Variants in ADGRV1 observed in about 807,000 individuals in gnomAD.
ADGRV1 encodes G-protein coupled receptor 98.
In ADGRV1, 359 loss-of-function variants were observed where a neutral mutation model predicts 596.2. The ratio of observed to expected loss-of-function variants is 0.60; its 90% CI spans 0.55 to 0.66. ADGRV1 has a LOEUF of 0.66. Among genes scored for constraint, ADGRV1 ranks in the 30% least tolerant of loss-of-function variants. The pLI, the probability that ADGRV1 is intolerant of heterozygous loss-of-function variation, is 0.00. For missense variants in ADGRV1, 7,274 were observed against 7,575.6 expected (o/e 0.96, Z 1.48); for synonymous variants, 2,681 against 2,679.2 (o/e 1.00, Z -0.02).
intron 11 of ADGRV1, among the ~76,000 whole-genome samples, chr5:90,638,920 G>T (rs575437061): frequency 2.0e-4 from 30 of 152,148 alleles, no homozygotes; most frequent in African/African-American, 7.0e-4. Context: ...GAAAAGTATA[G>T]AATGTAAGCA....
rs1796217255 is a variant in ADGRV1, at chr5:91,153,374, G to T, written c.18778G>T (p.Asp6260Tyr). ...IADEESQEFD[D>Y]LIFALKTGAG... ...CGATGAGGAGTCCCAGGAGTTTGATGATTTAATATTTGCATTAAAAACTGG... is the reference window on the plus strand; with the variant it reads ...CGATGAGGAGTCCCAGGAGTTTGATTATTTAATATTTGCATTAAAAACTGG... Residue 6260 changes from aspartate to tyrosine, a missense_variant, in exon 89 of 90, where the codon GAT becomes TAT. By Grantham distance (160) the Asp-to-Tyr change is radical. Coordinates refer to ENST00000405460, the MANE Select transcript of ADGRV1 (RefSeq NM_032119.4). 1 of 1,606,110 alleles carries T rather than the reference G, an allele frequency of 6.2e-7. No individual in the cohort carries two copies. Among genetic ancestry groups the T allele is most frequent in the East Asian group, 2.2e-5 (1 of 44,768 alleles).
At chr5:90,789,197 C>G (rs1759805255) in intron 68 of ADGRV1, among the ~76,000 whole-genome samples, 1 of 152,126 alleles carries the variant, frequency 6.6e-6, no homozygotes, top group Middle Eastern at 3.2e-3. Flanking sequence ...CCTTTACGTA[C>G]AGTCAGCTGA....
At chr5:90,808,978 G>A (rs1427210579) in intron 73 of ADGRV1, among the ~76,000 whole-genome samples, 4 of 146,252 alleles carry the variant, frequency 2.7e-5, no homozygotes, top group African/African-American at 1.0e-4. Flanking sequence ...ATGGAGACTC[G>A]CTCTTTCGCC....
intron 23 of ADGRV1, 147 bp downstream of exon 23, chr5:90,674,381 T>A (rs1028838467): frequency 1.1e-5 from 5 of 460,750 alleles, no homozygotes; most frequent in African/African-American, 2.0e-5. Flanking sequence ...TGTATGCTAC[T>A]GTTTTGAGAG....
chr5:90,937,654 TCAC>T (rs1449586905), intron 83 of ADGRV1, among the ~76,000 whole-genome samples: 5 of 152,158 alleles, frequency 3.3e-5, no homozygotes, highest in Non-Finnish European at 5.9e-5. Context: ...AGACGGGGTT[TCAC>T]CGTGTTAGCC....
At chr5:90,859,885 G>A (rs1767376162) in intron 82 of ADGRV1, among the ~76,000 whole-genome samples, 1 of 150,088 alleles carries the variant, frequency 6.7e-6, no homozygotes, top group Non-Finnish European at 1.5e-5. Context: ...TTCGAGACCA[G>A]CCTGGGCAAC....
chr5:90,800,975 C>T (rs2443073), intron 70 of ADGRV1, among the ~76,000 whole-genome samples: 9,219 of 151,956 alleles, frequency 0.061, 528 homozygotes, highest in African/African-American at 0.15. Flanking sequence ...ATATAGGTGA[C>T]GGGTTGATGG....
At chr5:90,589,476 G>A (rs991978374) in intron 1 of ADGRV1, among the ~76,000 whole-genome samples, 17 of 152,196 alleles carry the variant, frequency 1.1e-4, no homozygotes, top group African/African-American at 3.6e-4. Context: ...GAGAAAGAAA[G>A]TGTGGAATGG....
At chr5:91,120,109 A>G (rs1793177936) in intron 87 of ADGRV1, among the ~76,000 whole-genome samples, 1 of 152,206 alleles carries the variant, frequency 6.6e-6, no homozygotes, top group Non-Finnish European at 1.5e-5. Context: ...TGATTACACC[A>G]GACGCTGCAA....
In ADGRV1 at chr5:90,627,196, A is replaced by G; in HGVS notation, c.673-15A>G. On this transcript the variant is annotated splice_polypyrimidine_tract_variant and intron_variant, in intron 6 of 89. Transcript: ENST00000405460. ...GGCTGTTGATGTTTTGCCTCTGTTTATATTCCTTTAACAGGTACCAGAAAA... is the reference window on the plus strand; with the variant it reads ...GGCTGTTGATGTTTTGCCTCTGTTTGTATTCCTTTAACAGGTACCAGAAAA... The G allele has an allele frequency of 6.9e-7, 1 of 1,448,564 alleles. No homozygotes were observed. Among genetic ancestry groups the G allele is most frequent in the Non-Finnish European group, 9.2e-7 (1 of 1,087,942 alleles). 89.7% of individuals were successfully genotyped at this position (1,448,564 alleles called of 1,614,324 possible). A position where few individuals can be genotyped will look rare whatever the true frequency, so the allele number is the denominator to read the frequency against.
intron 83 of ADGRV1, among the ~76,000 whole-genome samples, chr5:90,937,616 C>T (rs566601453): frequency 2.6e-5 from 4 of 152,236 alleles, no homozygotes; most frequent in Non-Finnish European, 5.9e-5. Flanking sequence ...CACCACCACG[C>T]CCAGCTAATT....
chr5:90,681,706 C>T (rs1261888615), intron 27 of ADGRV1, among the ~76,000 whole-genome samples: 1 of 152,232 alleles, frequency 6.6e-6, no homozygotes, highest in East Asian at 1.9e-4. Context: ...AGCTGTACTA[C>T]AAGTATTTAT....
rs1780407470 is a variant in ADGRV1 at position 90,985,398 on chromosome 5, T to C, written c.18028T>C (p.Tyr6010His). Residue 6010 changes from tyrosine (Y) to histidine (H), a missense_variant, in exon 85 of 90, where the codon TAT becomes CAT. Tyr to His is a moderately conservative substitution (Grantham distance 83, BLOSUM62 2). Coordinates refer to ENST00000405460, the MANE Select transcript of ADGRV1 (RefSeq NM_032119.4). ...VMNDEHTERR[Y>H]LLFFLLSWGL... ...GAATGATGAGCACACAGAGAGGCGA[T>C]ATCTGCTGTTTTTCCTTCTGAGTTG... 13 of 1,613,808 alleles carry C rather than the reference T, an allele frequency of 8.1e-6. No homozygotes were observed. Among genetic ancestry groups the C allele is most frequent in the Non-Finnish European group, 1.0e-5 (12 of 1,179,746 alleles).
chr5:90,688,563 G>A (rs946027169), intron 29 of ADGRV1, among the ~76,000 whole-genome samples: 11 of 152,066 alleles, frequency 7.2e-5, no homozygotes, highest in African/African-American at 2.7e-4. Flanking sequence ...TACCATGTTG[G>A]CCAGGATGGT....
rs1784703070 is a variant in ADGRV1, at chr5:91,034,316, T to TA, written c.18153-38129dup. Among the ~76,000 whole-genome samples, 7 of 152,254 alleles carry TA rather than the reference T, an allele frequency of 4.6e-5. No homozygotes were observed. The South Asian group carries it at 1.5e-3, about 32-fold the overall frequency. Reference sequence around the variant, plus strand: ...AACTTTAAGCAGGTTAAAGTCTACATAACACAGAACTCATGGAAAAATCTG... The same window carrying TA: ...AACTTTAAGCAGGTTAAAGTCTACATAAACACAGAACTCATGGAAAAATCTG... On this transcript the variant is annotated intron_variant, in intron 85 of 89. Transcript: ENST00000405460.
At chr5:90,685,614 A>ATAAG (rs1745510026) in intron 28 of ADGRV1, among the ~76,000 whole-genome samples, 166 bp from the exon 29 acceptor site, 1 of 147,460 alleles carries the variant, frequency 6.8e-6, no homozygotes, top group African/African-American at 2.5e-5. Context: ...AAATAAATAA[A>ATAAG]TAAATAAATA....
At position 91,164,166 on chromosome 5, in the gene ADGRV1, A is replaced by G. The variant is rs1797182548; in HGVS notation, c.*266A>G. The G allele has an allele frequency of 1.4e-5, 7 of 486,502 alleles. No individual in the cohort carries two copies. In the East Asian group the frequency reaches 2.1e-4, roughly 14 times the overall value. 30.1% of individuals were successfully genotyped at this position (486,502 alleles called of 1,614,324 possible). A position where few individuals can be genotyped will look rare whatever the true frequency, so the allele number is the denominator to read the frequency against. On this transcript the variant is annotated 3_prime_UTR_variant, in exon 90 of 90. Transcript: ENST00000405460. Reference sequence around the variant, plus strand: ...TTAGTTGTTTTTTTAATCATCCTATATGGCTAACATTGTTTAATGAAAGTA... The same window carrying G: ...TTAGTTGTTTTTTTAATCATCCTATGTGGCTAACATTGTTTAATGAAAGTA...
chr5:90,683,607 C>T lies in ADGRV1; in HGVS notation c.5686C>T (p.Leu1896=). 1 of 1,602,090 alleles carries T rather than the reference C, an allele frequency of 6.2e-7. No individual in the cohort carries two copies. The highest frequency in any genetic ancestry group is 8.5e-7 in the Non-Finnish European group (1 of 1,170,354). ...GTAGGTTATAAGACATCATGGAACTCTGTCTCCAGTGACTTTGCATTGGAA... is the reference window on the plus strand; with the variant it reads ...GTAGGTTATAAGACATCATGGAACTTTGTCTCCAGTGACTTTGCATTGGAA... ...TLNVIRHHGT[L]SPVTLHWNID... is the part of the protein sequence containing the mutation. The change falls in exon 28 of 90, where the codon CTG becomes TTG. Residue 1896 remains leucine (L), a synonymous_variant. Coordinates refer to ENST00000405460, the MANE Select transcript of ADGRV1 (RefSeq NM_032119.4).
chr5:90,658,104 T>G lies in ADGRV1; in HGVS notation c.4578T>G (p.Ile1526Met). The G allele has an allele frequency of 6.2e-7, 1 of 1,613,934 alleles. No individual in the cohort carries two copies. The highest frequency in any genetic ancestry group is 1.3e-5 in the African/African-American group (1 of 75,058). ...AGGGAGAAACTAACAAATCATTCAT[T>G]ATTTCTGCAAGAGATGACAATGACG... ...FRQGETNKSF[I>M]ISARDDNDEE... is the part of the protein sequence containing the mutation. Residue 1526 changes from isoleucine to methionine, a missense_variant, in exon 21 of 90, where the codon ATT becomes ATG. By Grantham distance (10) the Ile-to-Met change is conservative. Coordinates refer to ENST00000405460, the MANE Select transcript of ADGRV1 (RefSeq NM_032119.4).
Sources: allele counts gnomAD v4.1 joint callset (sites outside exome capture counted in the v4.1 genomes callset), GRCh38; gene constraint gnomAD v4.1.1; transcripts MANE v1.5; gene names NCBI Gene and HGNC (gene_info 2026-07-23, HGNC 2026-07-21).